The following NUBPL variants were observed in gnomAD, a reference collection of about 807,000 sequenced individuals.
The protein encoded by NUBPL is NUBP iron-sulfur cluster assembly factor, mitochondrial.
Under a neutral mutation model 45.7 loss-of-function variants are expected in NUBPL, and 31 were observed. The ratio of observed to expected loss-of-function variants is 0.68; its 90% CI spans 0.51 to 0.92. The LOEUF (loss-of-function observed/expected upper bound fraction) is 0.92. Ranked by LOEUF, NUBPL falls within the 40% of genes least tolerant of loss-of-function variation. The pLI is 0.00. For missense variants in NUBPL, 401 were observed against 398.7 expected, an observed-to-expected ratio of 1.01 and a Z score of -0.05; for synonymous variants, 144 against 140.9, an observed-to-expected ratio of 1.02 and a Z score of -0.15.
At chr14:31,691,425 T>A (rs1045494066) in intron 6 of NUBPL, among the ~76,000 whole-genome samples, 3 of 152,206 alleles carry the variant, frequency 2.0e-5, no homozygotes, top group Non-Finnish European at 4.4e-5. Flanking sequence ...GTAAAGTTTT[T>A]TGGGAGTCAA....
chr14:31,625,283 A>G (rs948986640), intron 4 of NUBPL, among the ~76,000 whole-genome samples: 1 of 152,154 alleles, frequency 6.6e-6, no homozygotes, highest in Non-Finnish European at 1.5e-5. Context: ...AGTATGTTCA[A>G]AATTTCAGTT....
At chr14:31,674,504 T>TGTCAGATCCC (rs1322525199) in intron 6 of NUBPL, among the ~76,000 whole-genome samples, 1 of 152,166 alleles carries the variant, frequency 6.6e-6, no homozygotes, top group Non-Finnish European at 1.5e-5. Flanking sequence ...CATTTTCTCC[T>TGTCAGATCCC]CTTTTACTGT....
At chr14:31,634,450 G>C (rs949106650) in intron 4 of NUBPL, among the ~76,000 whole-genome samples, 1 of 151,634 alleles carries the variant, frequency 6.6e-6, no homozygotes, top group African/African-American at 2.4e-5. Context: ...AGTATTCCAT[G>C]GTGTACATGT....
intron 6 of NUBPL, among the ~76,000 whole-genome samples, chr14:31,705,174 C>T (rs534660034): frequency 3.2e-4 from 48 of 151,660 alleles, no homozygotes; most frequent in African/African-American, 9.9e-4. Context: ...TACTCTCATC[C>T]GGAGTTGTTC....
intron 4 of NUBPL, among the ~76,000 whole-genome samples, chr14:31,664,164 A>G (rs1391266810): frequency 6.6e-6 from 1 of 152,090 alleles, no homozygotes; most frequent in Non-Finnish European, 1.5e-5. Context: ...TTTTTAAATA[A>G]ACAATCATGT....
intron 7 of NUBPL, among the ~76,000 whole-genome samples, chr14:31,793,290 C>T (rs1353225983): frequency 6.6e-6 from 1 of 152,120 alleles, no homozygotes; most frequent in East Asian, 1.9e-4. Context: ...ACAGTTGATC[C>T]TCACTTAGAA....
At chr14:31,640,193 T>C (rs1247109343) in intron 4 of NUBPL, among the ~76,000 whole-genome samples, 1 of 152,202 alleles carries the variant, frequency 6.6e-6, no homozygotes, top group African/African-American at 2.4e-5. Context: ...TGCTGGGAGC[T>C]GTAGACCAGA....
At position 31,573,358 on chromosome 14, in the gene NUBPL, G is replaced by A. The variant is rs146223684; in HGVS notation, c.291+8310G>A. ...GATCTCAGCTTTTCCCACTGCTCTG[G>A]TTACTAGTCACGTGCCTTTACTCCA... On this transcript the variant is annotated intron_variant, in intron 3 of 10. Transcript: ENST00000281081. Among the ~76,000 whole-genome samples, 55 of 152,112 alleles carry A rather than the reference G, an allele frequency of 3.6e-4. No homozygotes were observed. The East Asian group carries it at 0.01, about 28-fold the overall frequency.
chr14:31,601,371 T>C (rs2034429472), intron 4 of NUBPL, among the ~76,000 whole-genome samples: 1 of 152,246 alleles, frequency 6.6e-6, no homozygotes, highest in South Asian at 2.1e-4. Flanking sequence ...ATGATATTGA[T>C]TCTTCCTACC....
intron 4 of NUBPL, among the ~76,000 whole-genome samples, chr14:31,637,620 C>A (rs1331512957): frequency 6.6e-6 from 1 of 152,158 alleles, no homozygotes; most frequent in Non-Finnish European, 1.5e-5. Context: ...TGGTGCAGAG[C>A]TGAGTTCAAT....
chr14:31,587,844 A>G (rs1034287851), intron 3 of NUBPL, among the ~76,000 whole-genome samples: 7 of 152,372 alleles, frequency 4.6e-5, no homozygotes, highest in African/African-American at 1.4e-4. Context: ...TCAGATAAAA[A>G]TAATAAGTGC....
rs535625900 is a variant in NUBPL, at chr14:31,562,771, A to AT, written c.256+566dup. On this transcript the variant is annotated intron_variant, in intron 2 of 10. Coordinates refer to ENST00000281081, the MANE Select transcript of NUBPL (RefSeq NM_025152.3). ...AGGCGCCCACCACCACGCCCGGCTA[A>AT]TTTTTTTTTTGTATTTTTAGTAGAG... The AT allele has an allele frequency of 4.1e-3, 611 of 147,846 alleles. 9 individuals carry two copies. Among genetic ancestry groups the AT allele is most frequent in the Non-Finnish European group, 3.1e-3 (206 of 66,720 alleles). The allele number at this position is 147,846 out of a possible 1,614,324, so 9.2% of individuals were successfully genotyped here. A position where few individuals can be genotyped will look rare whatever the true frequency, so the allele number is the denominator to read the frequency against.
At chr14:31,643,884 T>C (rs1442240261) in intron 4 of NUBPL, among the ~76,000 whole-genome samples, 1 of 152,116 alleles carries the variant, frequency 6.6e-6, no homozygotes, top group African/African-American at 2.4e-5. Context: ...GTTGTATGTG[T>C]CCAGCAATTT....
intron 10 of NUBPL, among the ~76,000 whole-genome samples, chr14:31,852,385 A>G (rs1219633712): frequency 1.3e-5 from 2 of 152,192 alleles, no homozygotes. Flanking sequence ...TTTAAAAATC[A>G]AAGTAGGCCC....
intron 10 of NUBPL, among the ~76,000 whole-genome samples, chr14:31,858,820 A>C (rs1030492463): frequency 6.6e-5 from 10 of 152,234 alleles, no homozygotes; most frequent in African/African-American, 2.4e-4. Context: ...ATCTCTCTGC[A>C]ACTAGACTGG....
In NUBPL at chr14:31,807,762, C is replaced by G. The variant is rs1186025027; in HGVS notation, c.608-18867C>G. Among the ~76,000 whole-genome samples the G allele has an allele frequency of 3.3e-5, 5 of 152,168 alleles. No individual in the cohort carries two copies. The East Asian group carries it at 7.7e-4, about 23-fold the overall frequency. On this transcript the variant is annotated intron_variant, in intron 7 of 10. Coordinates refer to ENST00000281081, the MANE Select transcript of NUBPL (RefSeq NM_025152.3). ...AGGGTTTTTATGGTTTTAGGTCTAA[C>G]ATTTAAGTCTTTAATCCATCTTGAA...
chr14:31,618,923 A>G (rs1221333265), intron 4 of NUBPL, among the ~76,000 whole-genome samples: 1 of 152,160 alleles, frequency 6.6e-6, no homozygotes, highest in Non-Finnish European at 1.5e-5. Context: ...TGGGAGTCCA[A>G]GTCTCTTTGT....
At chr14:31,774,163 T>G (rs2039058500) in intron 6 of NUBPL, among the ~76,000 whole-genome samples, 1 of 152,232 alleles carries the variant, frequency 6.6e-6, no homozygotes, top group Non-Finnish European at 1.5e-5. Context: ...GTGGCTGAGT[T>G]TACACCACTG....
At chr14:31,854,268 C>A (rs1015870653) in intron 10 of NUBPL, among the ~76,000 whole-genome samples, 1 of 152,044 alleles carries the variant, frequency 6.6e-6, no homozygotes, top group Admixed American at 6.6e-5. Flanking sequence ...TCTAGATGAC[C>A]TAACAAAAAG....
Sources: gnomAD v4.1 joint callset for allele counts (sites outside exome capture counted in the v4.1 genomes callset) on GRCh38, gnomAD v4.1.1 for gene constraint, MANE v1.5 for transcripts, NCBI Gene and HGNC (gene_info 2026-07-23, HGNC 2026-07-21) for gene names.